Variants in RFX1 observed in about 807,000 individuals in gnomAD.
RFX1 encodes the protein regulatory factor X1, also known as MHC class II regulatory factor RFX1.
A neutral mutation model predicts 119.6 loss-of-function variants in RFX1; 42 were observed. The ratio of observed to expected loss-of-function variants is 0.35; its 90% CI spans 0.27 to 0.45. The LOEUF is 0.45. Ranked by LOEUF, RFX1 falls within the 20% of genes least tolerant of loss-of-function variation. The pLI, the probability that RFX1 is intolerant of heterozygous loss-of-function variation, is 1.00. For missense variants in RFX1, 1,118 were observed against 1,368.1 expected (o/e 0.82, Z 2.88); for synonymous variants, 628 against 618.5 (o/e 1.02, Z -0.23).
rs545345026 is a variant in RFX1, at chr19:13,986,120, C to T, written c.320-2525G>A. 5.3e-5 allele frequency among the ~76,000 whole-genome samples: 8 copies of T among 152,310 alleles called. No individual in the cohort carries two copies. The highest frequency in any genetic ancestry group is 2.0e-4 in the Admixed American group (3 of 15,304). Reference sequence around the variant, plus strand: ...TCCTGGGAGAAACCCGAGACAGCCCCGAGTCATGTGACCGGCACTGCACAC... The same window carrying T: ...TCCTGGGAGAAACCCGAGACAGCCCTGAGTCATGTGACCGGCACTGCACAC... On this transcript the variant is annotated intron_variant, in intron 2 of 20. Coordinates refer to ENST00000254325, the MANE Select transcript of RFX1 (RefSeq NM_002918.5). The surrounding 1 kb of genome is among the most constrained non-coding windows in gnomAD (Gnocchi z 4.2).
Position 13,980,804 on chromosome 19 carries a change from G to A in RFX1, c.622-115C>T. The A allele has an allele frequency of 1.6e-6, 1 of 624,144 alleles. No homozygotes were observed. Among genetic ancestry groups the A allele is most frequent in the South Asian group, 1.9e-5 (1 of 51,494 alleles). The allele number at this position is 624,144 out of a possible 1,614,324, so 38.7% of individuals were successfully genotyped here. A position where few individuals can be genotyped will look rare whatever the true frequency, so the allele number is the denominator to read the frequency against. On this transcript the variant is annotated intron_variant, in intron 5 of 20. Coordinates refer to ENST00000254325, the MANE Select transcript of RFX1 (RefSeq NM_002918.5). The surrounding 1 kb of genome is among the most constrained non-coding windows in gnomAD (Gnocchi z 5.1). ...TGTCTGGGGAGGGCGGCAGTCTGTG[G>A]GGACCTATCCCAACCACCGAGGCTG...
rs909677818 is a variant in RFX1 at position 13,969,745 on chromosome 19, G to C, written c.1496+249C>G. On this transcript the variant is annotated intron_variant, in intron 10 of 20. Coordinates refer to ENST00000254325, the MANE Select transcript of RFX1 (RefSeq NM_002918.5). The surrounding 1 kb of genome is among the most constrained non-coding windows in gnomAD (Gnocchi z 4.5). ...GTTGGGGGGTGTCGGGCAGGGGAGA[G>C]GGGGAGGCTGCAGTTTTAGTTGAGG... 18 of 445,620 alleles carry C rather than the reference G, an allele frequency of 4.0e-5. No homozygotes were observed. The highest frequency in any genetic ancestry group is 7.7e-5 in the Admixed American group (2 of 25,850). 27.6% of individuals were successfully genotyped at this position (445,620 alleles called of 1,614,324 possible).
Position 13,965,402 on chromosome 19 carries a change from G to A in RFX1, c.2211+47C>T. The A allele has an allele frequency of 6.5e-7, 1 of 1,535,846 alleles. No homozygotes were observed. The highest frequency in any genetic ancestry group is 1.1e-5 in the South Asian group (1 of 88,444). On this transcript the variant is annotated intron_variant, in intron 16 of 20. Transcript: ENST00000254325. This position sits in a 1 kb window ranked among gnomAD's most constrained non-coding sequence, Gnocchi z 4.7. ...GCCCCTGGGGAGCAGAGGAGACGGA[G>A]GCCTAAGCCCCAGAGATAGGAGAAA...
intron 2 of RFX1, among the ~76,000 whole-genome samples, chr19:13,993,003 A>G (rs1974855227): frequency 6.6e-6 from 1 of 152,184 alleles, no homozygotes; most frequent in Admixed American, 6.5e-5. Context: ...TTAGCTGGGC[A>G]CAGCTGCACA....
chr19:13,988,236 A>G (rs1202768161), intron 2 of RFX1, among the ~76,000 whole-genome samples: 1 of 152,092 alleles, frequency 6.6e-6, no homozygotes, highest in East Asian at 1.9e-4. Context: ...CATGTTGGCC[A>G]GGCTGGTCTT....
At position 13,990,628 on chromosome 19, in the gene RFX1, T is replaced by C. The variant is rs933076100; in HGVS notation, c.319+2897A>G. On this transcript the variant is annotated intron_variant, in intron 2 of 20. Coordinates refer to ENST00000254325, the MANE Select transcript of RFX1 (RefSeq NM_002918.5). This position sits in a 1 kb window ranked among gnomAD's most constrained non-coding sequence, Gnocchi z 4.1. Reference sequence around the variant, plus strand: ...GTCAGGAGATCAAGACCATCCTGGCTAACACAGTGAAACCCCGTCTCTACT... The same window carrying C: ...GTCAGGAGATCAAGACCATCCTGGCCAACACAGTGAAACCCCGTCTCTACT... Among the ~76,000 whole-genome samples, 6 of 151,944 alleles carry C rather than the reference T, an allele frequency of 3.9e-5. No homozygotes were observed. The highest frequency in any genetic ancestry group is 2.1e-4 in the South Asian group (1 of 4,826).
At chr19:13,975,064 A>G (rs990690102) in intron 8 of RFX1, among the ~76,000 whole-genome samples, 188 of 121,858 alleles carry the variant, frequency 1.5e-3, no homozygotes, top group Admixed American at 1.9e-3. Flanking sequence ...AAAAAAAGGG[A>G]GGGGGGCAGG....
intron 2 of RFX1, among the ~76,000 whole-genome samples, chr19:13,988,374 G>A (rs1029056923): frequency 4.6e-5 from 7 of 152,168 alleles, no homozygotes; most frequent in Admixed American, 6.5e-5. Flanking sequence ...GGTCAAGAGT[G>A]GAAGGACTTG....
chr19:13,966,811 C>T lies in RFX1; in HGVS notation c.1733-60G>A. 1 of 1,145,100 alleles carries T rather than the reference C, an allele frequency of 8.7e-7. No individual in the cohort carries two copies. The allele number at this position is 1,145,100 out of a possible 1,614,324, so 70.9% of individuals were successfully genotyped here. On this transcript the variant is annotated intron_variant, in intron 12 of 20. Transcript: ENST00000254325. This position sits in a 1 kb window ranked among gnomAD's most constrained non-coding sequence, Gnocchi z 6.3. The stretch of plus-strand genomic sequence containing the variant: ...CCCCCTTGCCTGCCCACCCTGGGGT[C>T]CTACTGACCTGTCCGTTTCCCATCA...
rs545567783 is a variant in RFX1, at chr19:13,995,287, G to C, written c.-52-1392C>G. On this transcript the variant is annotated intron_variant, in intron 1 of 20. Transcript: ENST00000254325. Reference sequence around the variant, plus strand: ...GGGGAAAGCTGCCTCCCAGGGACCCGTGCCAGTTCCCTACGTGCCTGCCAT... The same window carrying C: ...GGGGAAAGCTGCCTCCCAGGGACCCCTGCCAGTTCCCTACGTGCCTGCCAT... Among the ~76,000 whole-genome samples the C allele has an allele frequency of 3.3e-5, 5 of 152,114 alleles. No individual in the cohort carries two copies. In the South Asian group the frequency reaches 6.2e-4, roughly 19 times the overall value.
intron 5 of RFX1, among the ~76,000 whole-genome samples, chr19:13,981,039 C>G (rs1974415484): frequency 6.6e-6 from 1 of 152,206 alleles, no homozygotes. Flanking sequence ...CCGACTCCCA[C>G]CAGACACTGC....
At chr19:13,989,551 G>GAGACAGAC (rs36065115) in intron 2 of RFX1, among the ~76,000 whole-genome samples, 155 of 145,418 alleles carry the variant, frequency 1.1e-3, no homozygotes, top group Non-Finnish European at 1.6e-3. Context: ...GAGAGAGAGA[G>GAGACAGAC]AGACAGACAG....
In RFX1 at chr19:13,973,803, T is replaced by G. The variant is rs1042106460; in HGVS notation, c.930-676A>C. Among the ~76,000 whole-genome samples, 6 of 152,030 alleles carry G rather than the reference T, an allele frequency of 3.9e-5. No homozygotes were observed. The East Asian group carries it at 9.6e-4, about 24-fold the overall frequency. On this transcript the variant is annotated intron_variant, in intron 8 of 20. Transcript: ENST00000254325. ...CACCACCACACCAGGTTAATTTTTG[T>G]ATTTTTTTAGTACAGTTGGTGTTCC...
rs1168381700 is a variant in RFX1 at position 13,961,859 on chromosome 19, G to C, written c.*836C>G. ...ACCCAACAAGTTACCAACTCCGCTC[G>C]GGCGGCGCTCACGAATCGCACAATA... On this transcript the variant is annotated 3_prime_UTR_variant, in exon 21 of 21. Coordinates refer to ENST00000254325, the MANE Select transcript of RFX1 (RefSeq NM_002918.5). 6.6e-6 allele frequency: 1 copy of C among 152,366 alleles called. No homozygotes were observed. The highest frequency in any genetic ancestry group is 2.4e-5 in the African/African-American group (1 of 41,468). 9.4% of individuals were successfully genotyped at this position (152,366 alleles called of 1,614,324 possible).
rs76087324 is a variant in RFX1, at chr19:13,978,102, G to A, written c.835-16C>T. 1,090 of 1,597,984 alleles carry A rather than the reference G, an allele frequency of 6.8e-4. 11 individuals carry two copies. In the African/African-American group the frequency reaches 0.013, roughly 19 times the overall value. On this transcript the variant is annotated splice_polypyrimidine_tract_variant and intron_variant, in intron 7 of 20. Coordinates refer to ENST00000254325, the MANE Select transcript of RFX1 (RefSeq NM_002918.5). The stretch of plus-strand genomic sequence containing the variant: ...GCTGCTGCACCTGGGGCAGAGGAAG[G>A]GCACGTGGAGGGTCAGGGGTGGGCC...
chr19:13,989,500 A>T (rs528543586), intron 2 of RFX1, among the ~76,000 whole-genome samples: 14 of 152,068 alleles, frequency 9.2e-5, no homozygotes, highest in African/African-American at 3.4e-4. Context: ...CCTCCCAAGT[A>T]GCTGGGATTA....
chr19:13,983,314 G>T, intron 3 of RFX1, 44 bp from the exon 4 acceptor site: 1 of 1,492,350 alleles, frequency 6.7e-7, no homozygotes. Flanking sequence ...ACTTCCCCCA[G>T]GGAGGCCTGG....
rs1441421649 is a variant in RFX1 at position 13,965,744 on chromosome 19, G to A, written c.1995C>T (p.Ala665=). The A allele has an allele frequency of 1.2e-6, 2 of 1,613,888 alleles. No homozygotes were observed. The highest frequency in any genetic ancestry group is 1.7e-6 in the Non-Finnish European group (2 of 1,179,982). The change falls in exon 15 of 21, where the codon GCC becomes GCT. Residue 665 remains alanine, a synonymous_variant. Transcript: ENST00000254325. The surrounding 1 kb of genome is among the most constrained non-coding windows in gnomAD (Gnocchi z 4.7). Reference sequence around the variant, plus strand: ...CGAACTTGGAGAGGAGCACCAGGATGGCTTTGGGCAGTCGCTTCTCGGCCT... The same window carrying A: ...CGAACTTGGAGAGGAGCACCAGGATAGCTTTGGGCAGTCGCTTCTCGGCCT... ...HDEAEKRLPK[A]ILVLLSKFEP... is the part of the protein sequence containing the mutation.
chr19:14,003,766 GCTGA>G (rs1341574584), intron 1 of RFX1, among the ~76,000 whole-genome samples: 3 of 152,288 alleles, frequency 2.0e-5, no homozygotes, highest in Non-Finnish European at 4.4e-5. Context: ...AGCTAGAAAA[GCTGA>G]CTGTTTCAAG....
Sources: gnomAD v4.1 joint callset for allele counts (sites outside exome capture counted in the v4.1 genomes callset) on GRCh38, gnomAD v4.1.1 for gene constraint, Gnocchi (gnomAD v3.1) non-coding constraint, MANE v1.5 for transcripts, NCBI Gene and HGNC (gene_info 2026-07-23, HGNC 2026-07-21) for gene names.